Variants in MAF observed in about 807,000 individuals in gnomAD.
MAF encodes transcription factor Maf.
MAF carries 10 observed loss-of-function variants against 22.0 expected under a neutral mutation model. The ratio of observed to expected loss-of-function variants is 0.45; its 90% CI spans 0.28 to 0.77. The LOEUF is 0.77. MAF is among the 30% of genes least tolerant of loss of function. The probability of loss-of-function intolerance (pLI) is 0.12; values close to 1 mark genes in which losing one functional copy is unlikely to be tolerated. For synonymous variants in MAF, 337 were observed against 255.8 expected (o/e 1.32, Z -3.03); for missense variants, 544 against 548.4 (o/e 0.99, Z 0.08).
At chr16:79,528,710 T>C in the MAF span, among the ~76,000 whole-genome samples, 100 of 151,938 alleles carry the variant, frequency 6.6e-4, no homozygotes, top group Middle Eastern at 3.4e-3. Flanking sequence ...CTTCTTACTA[T>C]ATTAGGGCTA....
chr16:79,302,525 C>A, the MAF span, among the ~76,000 whole-genome samples: 1 of 152,232 alleles, frequency 6.6e-6, no homozygotes, highest in African/African-American at 2.4e-5. Context: ...TGCCTGGTTG[C>A]AGGCAGCACT....
the MAF span, among the ~76,000 whole-genome samples, chr16:79,492,208 T>G: frequency 6.6e-6 from 1 of 152,042 alleles, no homozygotes; most frequent in East Asian, 1.9e-4. Context: ...AGACCACACA[T>G]GAAGAATGCA....
the MAF span, among the ~76,000 whole-genome samples, chr16:79,524,193 G>A: frequency 5.3e-5 from 8 of 152,240 alleles, no homozygotes; most frequent in Non-Finnish European, 1.2e-4. Flanking sequence ...CAGTTTCAAC[G>A]GGAGAGCAGG....
At chr16:79,328,362 A>C in the MAF span, among the ~76,000 whole-genome samples, 2 of 152,164 alleles carry the variant, frequency 1.3e-5, no homozygotes, top group Non-Finnish European at 2.9e-5. Context: ...CATTTAGGGC[A>C]ACTCCAATTT....
chr16:79,221,586 G>C, the MAF span, among the ~76,000 whole-genome samples: 4 of 152,174 alleles, frequency 2.6e-5, no homozygotes, highest in African/African-American at 9.7e-5. Context: ...ACAAAACAGA[G>C]CTTCTTAATC....
At chr16:79,374,982 A>T in the MAF span, among the ~76,000 whole-genome samples, 1 of 152,194 alleles carries the variant, frequency 6.6e-6, no homozygotes, top group Non-Finnish European at 1.5e-5. Context: ...CTATGTCCAC[A>T]CTTGTGAATA....
At chr16:79,208,896 C>G in the MAF span, among the ~76,000 whole-genome samples, 1 of 152,198 alleles carries the variant, frequency 6.6e-6, no homozygotes, top group Non-Finnish European at 1.5e-5. Context: ...GATATTGTTA[C>G]TGCTTAATTG....
At chr16:79,216,754 A>G in the MAF span, among the ~76,000 whole-genome samples, 2 of 151,776 alleles carry the variant, frequency 1.3e-5, no homozygotes, top group South Asian at 4.2e-4. Flanking sequence ...CTGTGTACAT[A>G]TATGTGTGTA....
chr16:79,345,995 C>T, the MAF span, among the ~76,000 whole-genome samples: 10 of 151,770 alleles, frequency 6.6e-5, no homozygotes, highest in African/African-American at 2.4e-4. Flanking sequence ...AAACATAAAT[C>T]AGCAGCTTTT....
chr16:79,213,446 G>A, the MAF span, among the ~76,000 whole-genome samples: 1 of 152,172 alleles, frequency 6.6e-6, no homozygotes, highest in Non-Finnish European at 1.5e-5. Context: ...ATTGTCATTT[G>A]CAAAAGCAGC....
At chr16:79,439,023 C>G in the MAF span, among the ~76,000 whole-genome samples, 1 of 152,010 alleles carries the variant, frequency 6.6e-6, no homozygotes, top group Non-Finnish European at 1.5e-5. Flanking sequence ...CCTCCAAAGC[C>G]CCTTCTATCT....
chr16:79,528,500 C>T, the MAF span, among the ~76,000 whole-genome samples: 3 of 152,134 alleles, frequency 2.0e-5, no homozygotes. Flanking sequence ...CAAGGCATGG[C>T]TCTCTCTTTA....
chr16:79,230,633 C>T, the MAF span, among the ~76,000 whole-genome samples: 10 of 152,134 alleles, frequency 6.6e-5, no homozygotes, highest in Admixed American at 6.6e-4. Context: ...AAAATGCATA[C>T]TACACATGGT....
At chr16:79,289,571 C>T in the MAF span, among the ~76,000 whole-genome samples, 1 of 152,102 alleles carries the variant, frequency 6.6e-6, no homozygotes, top group Admixed American at 6.5e-5. Context: ...CCTTATACTA[C>T]GGGCGGATGA....
the MAF span, among the ~76,000 whole-genome samples, chr16:79,400,839 G>T: frequency 1.3e-5 from 2 of 152,274 alleles, no homozygotes; most frequent in Admixed American, 6.5e-5. Flanking sequence ...TATTGGGAAT[G>T]AATGTTGAGA....
At chr16:79,276,078 T>G in the MAF span, among the ~76,000 whole-genome samples, 1 of 151,730 alleles carries the variant, frequency 6.6e-6, no homozygotes, top group Admixed American at 6.6e-5. Context: ...GAGGCAGAGG[T>G]TGCAGTGAGC....
chr16:79,531,511 T>C, the MAF span, among the ~76,000 whole-genome samples: 1 of 151,970 alleles, frequency 6.6e-6, no homozygotes, highest in Non-Finnish European at 1.5e-5. Context: ...GTAGAAACAG[T>C]GGGAGAGCTA....
At chr16:79,277,941 A>G in the MAF span, among the ~76,000 whole-genome samples, 1 of 152,158 alleles carries the variant, frequency 6.6e-6, no homozygotes, top group Non-Finnish European at 1.5e-5. Context: ...GGTGGGGCAC[A>G]TCTGTTAAGA....
chr16:79,251,589 T>C, the MAF span, among the ~76,000 whole-genome samples: 1 of 152,212 alleles, frequency 6.6e-6, no homozygotes, highest in African/African-American at 2.4e-5. Context: ...AGTGCTGGCA[T>C]GAGCCACTGC....
Sources: allele counts gnomAD v4.1 joint callset (sites outside exome capture counted in the v4.1 genomes callset), GRCh38; gene constraint gnomAD v4.1.1; transcripts MANE v1.5; gene names NCBI Gene and HGNC (gene_info 2026-07-23, HGNC 2026-07-21).